The following MIF4GD variants were observed in gnomAD, a reference collection of about 807,000 sequenced individuals.
MIF4GD encodes the protein MIF4G domain-containing protein.
A neutral mutation model predicts 26.7 loss-of-function variants in MIF4GD; 22 were observed. That is an observed-to-expected ratio of 0.82 (90% CI 0.59 to 1.18). MIF4GD has a LOEUF of 1.18. Among genes scored for constraint, MIF4GD ranks in the 50% most tolerant of loss-of-function variants. MIF4GD has a pLI of 0.00. For missense variants in MIF4GD, 262 were observed against 279.6 expected (o/e 0.94, Z 0.45); for synonymous variants, 137 against 111.6 (o/e 1.23, Z -1.43).
chr17:75,269,108 T>C (rs571258922), intron 2 of MIF4GD, among the ~76,000 whole-genome samples: 16 of 152,302 alleles, frequency 1.1e-4, no homozygotes, highest in African/African-American at 1.9e-4. Context: ...GGGAGGGTTA[T>C]GTGGCTAGTA....
At position 75,266,342 on chromosome 17, in the gene MIF4GD, T is replaced by G. The variant is rs1016668485; in HGVS notation, c.*398A>C. On this transcript the variant is annotated 3_prime_UTR_variant, in exon 6 of 6. Coordinates refer to ENST00000325102, the MANE Select transcript of MIF4GD (RefSeq NM_001370592.1). ...ATAGGCTTGTTTCCAGAGTTGTCCTTATACAAAATGTATAAAAAGCAGTTT... is the reference window on the plus strand; with the variant it reads ...ATAGGCTTGTTTCCAGAGTTGTCCTGATACAAAATGTATAAAAAGCAGTTT... The G allele has an allele frequency of 2.8e-6, 1 of 361,244 alleles. No individual in the cohort carries two copies. The highest frequency in any genetic ancestry group is 2.1e-5 in the African/African-American group (1 of 48,282). 22.4% of individuals were successfully genotyped at this position (361,244 alleles called of 1,614,324 possible). A position where few individuals can be genotyped will look rare whatever the true frequency, so the allele number is the denominator to read the frequency against.
rs771329002 is a variant in MIF4GD, at chr17:75,270,175, C to T, written c.21G>A (p.Glu7=). The T allele has an allele frequency of 1.9e-6, 3 of 1,613,970 alleles. No homozygotes were observed. Among genetic ancestry groups the T allele is most frequent in the Non-Finnish European group, 1.7e-6 (2 of 1,179,956 alleles). The change falls in exon 2 of 6, where the codon GAG becomes GAA. Residue 7 remains glutamate, a synonymous_variant. Transcript: ENST00000325102. The surrounding 1 kb of genome is among the most constrained non-coding windows in gnomAD (Gnocchi z 5.7). The part of the protein sequence containing the change: MGEPSR[E]EYKIQSFDAE... The stretch of plus-strand genomic sequence containing the variant: ...CATCAAAGGACTGGATTTTATACTC[C>T]TCTCTACTGGGCTCCCCCATGACTA...
chr17:75,267,737 G>C lies in MIF4GD; in HGVS notation c.348+9C>G. The C allele has an allele frequency of 1.2e-6, 2 of 1,612,322 alleles. No individual in the cohort carries two copies. The highest frequency in any genetic ancestry group is 1.7e-6 in the Non-Finnish European group (2 of 1,178,772). On this transcript the variant is annotated intron_variant, in intron 4 of 5. Coordinates refer to ENST00000325102, the MANE Select transcript of MIF4GD (RefSeq NM_001370592.1). ...TGTCTGCCTCCCAGGGTGGCTGCCG[G>C]GGCCTCACCCTCAGGTAGTCAAAGA...
chr17:75,266,377 C>G lies in MIF4GD; in HGVS notation c.*363G>C, dbSNP rs1015269217. The G allele has an allele frequency of 2.6e-6, 1 of 391,190 alleles. No individual in the cohort carries two copies. Among genetic ancestry groups the G allele is most frequent in the African/African-American group, 2.0e-5 (1 of 49,064 alleles). The allele number at this position is 391,190 out of a possible 1,614,324, so 24.2% of individuals were successfully genotyped here. On this transcript the variant is annotated 3_prime_UTR_variant, in exon 6 of 6. Transcript: ENST00000325102. The stretch of plus-strand genomic sequence containing the variant: ...GTATAAAAAGCAGTTTCTGGTGTGA[C>G]TTGTGCTCTGCCTCCACCCCTTGAC...
At chr17:75,269,009 A>C (rs2077611917) in intron 2 of MIF4GD, among the ~76,000 whole-genome samples, 1 of 152,192 alleles carries the variant, frequency 6.6e-6, no homozygotes, top group African/African-American at 2.4e-5. Context: ...TCTCAAAAAA[A>C]AAAAAGGGAA....
In MIF4GD at chr17:75,268,094, C is replaced by T. The variant is rs374776170; in HGVS notation, c.181G>A (p.Ala61Thr). 26 of 1,614,016 alleles carry T rather than the reference C, an allele frequency of 1.6e-5. No homozygotes were observed. Among genetic ancestry groups the T allele is most frequent in the Middle Eastern group, 1.6e-4 (1 of 6,084 alleles). Residue 61 changes from alanine (A) to threonine (T), a missense_variant, in exon 3 of 6, where the codon GCC becomes ACC. Ala to Thr is a moderately conservative substitution (Grantham distance 58). Transcript: ENST00000325102. ...FSKEAGRMCY[A>T]IIQAESKQAG... Reference sequence around the variant, plus strand: ...TCCCAACCCCCAACCTGAATGATGGCGTAGCACATGCGTCCTGCTTCCTTG... The same window carrying T: ...TCCCAACCCCCAACCTGAATGATGGTGTAGCACATGCGTCCTGCTTCCTTG...
At chr17:75,267,022 C>A (rs1476572092) in intron 5 of MIF4GD, 55 bp from the exon 6 acceptor site, 5 of 1,509,648 alleles carry the variant, frequency 3.3e-6, no homozygotes, top group Non-Finnish European at 3.6e-6. Context: ...CAGCCTCTCA[C>A]ACAGCATTTG....
Position 75,270,347 on chromosome 17 carries a change from C to T in MIF4GD, c.-50-102G>A, listed in dbSNP as rs542658599. 19 of 663,174 alleles carry T rather than the reference C, an allele frequency of 2.9e-5. No individual in the cohort carries two copies. The highest frequency in any genetic ancestry group is 2.2e-4 in the African/African-American group (12 of 55,480). The allele number at this position is 663,174 out of a possible 1,614,324, so 41.1% of individuals were successfully genotyped here. A position where few individuals can be genotyped will look rare whatever the true frequency, so the allele number is the denominator to read the frequency against. ...GCTGACGGCGCGCTCGGGACAGGGA[C>T]TCCTGGGCGGTCCGTGGCGTGCGGT... On this transcript the variant is annotated intron_variant, in intron 1 of 5. Transcript: ENST00000325102. This position sits in a 1 kb window ranked among gnomAD's most constrained non-coding sequence, Gnocchi z 5.7.
intron 4 of MIF4GD, 40 bp downstream of exon 4, chr17:75,267,706 A>C: frequency 6.2e-7 from 1 of 1,612,036 alleles, no homozygotes; most frequent in Non-Finnish European, 8.5e-7. Flanking sequence ...CTCAGGAAAC[A>C]GGCCATGTCT....
chr17:75,267,737 G>A lies in MIF4GD; in HGVS notation c.348+9C>T. On this transcript the variant is annotated intron_variant, in intron 4 of 5. Transcript: ENST00000325102. ...TGTCTGCCTCCCAGGGTGGCTGCCG[G>A]GGCCTCACCCTCAGGTAGTCAAAGA... 1 of 1,612,322 alleles carries A rather than the reference G, an allele frequency of 6.2e-7. No homozygotes were observed. Among genetic ancestry groups the A allele is most frequent in the Non-Finnish European group, 8.5e-7 (1 of 1,178,772 alleles).
rs1480480730 is a variant in MIF4GD, at chr17:75,266,290, A to G, written c.*450T>C. On this transcript the variant is annotated 3_prime_UTR_variant, in exon 6 of 6. Coordinates refer to ENST00000325102, the MANE Select transcript of MIF4GD (RefSeq NM_001370592.1). ...GCTGAACTGGTGTAGCATGTGGTGCAGCATTCAGTGAAACTGGCTGGAGGA... is the reference window on the plus strand; with the variant it reads ...GCTGAACTGGTGTAGCATGTGGTGCGGCATTCAGTGAAACTGGCTGGAGGA... 4 of 365,076 alleles carry G rather than the reference A, an allele frequency of 1.1e-5. No homozygotes were observed. Among genetic ancestry groups the G allele is most frequent in the Non-Finnish European group, 1.5e-5 (3 of 195,348 alleles). The allele number at this position is 365,076 out of a possible 1,614,324, so 22.6% of individuals were successfully genotyped here.
Position 75,266,560 on chromosome 17 carries a change from C to T in MIF4GD, c.*180G>A. 1 of 649,264 alleles carries T rather than the reference C, an allele frequency of 1.5e-6. No individual in the cohort carries two copies. Among genetic ancestry groups the T allele is most frequent in the Admixed American group, 2.7e-5 (1 of 36,414 alleles). The allele number at this position is 649,264 out of a possible 1,614,324, so 40.2% of individuals were successfully genotyped here. A position where few individuals can be genotyped will look rare whatever the true frequency, so the allele number is the denominator to read the frequency against. ...TGGTGGGTTGTGGTGGGGAAAGGGG[C>T]TCAGGGCAGGACCACGGCATAAGTG... is the stretch of plus-strand genomic sequence containing the variant. On this transcript the variant is annotated 3_prime_UTR_variant, in exon 6 of 6. Coordinates refer to ENST00000325102, the MANE Select transcript of MIF4GD (RefSeq NM_001370592.1).
chr17:75,266,701 G>A lies in MIF4GD; in HGVS notation c.*39C>T. On this transcript the variant is annotated 3_prime_UTR_variant, in exon 6 of 6. Coordinates refer to ENST00000325102, the MANE Select transcript of MIF4GD (RefSeq NM_001370592.1). Reference sequence around the variant, plus strand: ...CTGCCAGCTTTAGAGGTGGGTAGAAGAAAGGCCAGTGCTGGTGAGGAAGCC... The same window carrying A: ...CTGCCAGCTTTAGAGGTGGGTAGAAAAAAGGCCAGTGCTGGTGAGGAAGCC... The A allele has an allele frequency of 6.3e-7, 1 of 1,592,706 alleles. No individual in the cohort carries two copies. The highest frequency in any genetic ancestry group is 8.6e-7 in the Non-Finnish European group (1 of 1,160,640).
At chr17:75,267,056 G>T in intron 5 of MIF4GD, 89 bp from the exon 6 acceptor site, 1 of 1,108,718 alleles carries the variant, frequency 9.0e-7, no homozygotes, top group Non-Finnish European at 1.3e-6. Flanking sequence ...GCTGTGCTTT[G>T]CCTTTACACT....
chr17:75,268,715 G>A (rs1474811850), intron 2 of MIF4GD, among the ~76,000 whole-genome samples: 1 of 149,926 alleles, frequency 6.7e-6, no homozygotes, highest in African/African-American at 2.5e-5. Flanking sequence ...ATCATACAGA[G>A]GGCCTGGTGT....
intron 5 of MIF4GD, 61 bp downstream of exon 5, chr17:75,267,477 G>T: frequency 1.3e-6 from 2 of 1,540,008 alleles, no homozygotes; most frequent in Non-Finnish European, 9.0e-7. Flanking sequence ...CTGACACACG[G>T]CTGAGCTGGA....
chr17:75,268,272 A>T lies in MIF4GD; in HGVS notation c.83-80T>A, dbSNP rs562038318. Reference sequence around the variant, plus strand: ...CCACCCGCTTCTAAGAATTTGAGATATTTACAGTAGAGCACTCATATGCTT... The same window carrying T: ...CCACCCGCTTCTAAGAATTTGAGATTTTTACAGTAGAGCACTCATATGCTT... On this transcript the variant is annotated intron_variant, in intron 2 of 5. Transcript: ENST00000325102. 3.3e-5 allele frequency: 36 copies of T among 1,094,736 alleles called. No homozygotes were observed. The African/African-American group carries it at 5.4e-4, about 16-fold the overall frequency. The allele number at this position is 1,094,736 out of a possible 1,614,324, so 67.8% of individuals were successfully genotyped here.
At chr17:75,268,218 CTA>C (rs1261273732) in intron 2 of MIF4GD, 26 bp from the exon 3 acceptor site, 1 of 1,560,126 alleles carries the variant, frequency 6.4e-7, no homozygotes, top group East Asian at 2.2e-5. Flanking sequence ...GGAGGGGAGT[CTA>C]GAGCTGCTGC....
intron 5 of MIF4GD, among the ~76,000 whole-genome samples, 191 bp from the exon 6 acceptor site, chr17:75,267,158 C>G (rs528414156): frequency 6.6e-6 from 1 of 152,046 alleles, no homozygotes; most frequent in South Asian, 2.1e-4. Context: ...GGTCCCTCAT[C>G]TGGCCAGGCT....
Sources: gnomAD v4.1 joint callset for allele counts (sites outside exome capture counted in the v4.1 genomes callset) on GRCh38, gnomAD v4.1.1 for gene constraint, Gnocchi (gnomAD v3.1) non-coding constraint, MANE v1.5 for transcripts, NCBI Gene and HGNC (gene_info 2026-07-23, HGNC 2026-07-21) for gene names.